The following MYH14 variants were observed in gnomAD, a reference collection of about 807,000 sequenced individuals.
MYH14 encodes myosin-14.
MYH14 carries 123 observed loss-of-function variants against 255.5 expected under a neutral mutation model. The observed-to-expected ratio is 0.48, with a 90% CI of 0.42 to 0.56. MYH14 has a LOEUF of 0.56. MYH14 is among the 20% of genes least tolerant of loss of function. MYH14 has a pLI of 0.00. For missense variants in MYH14, 2,423 were observed against 2,802.3 expected, an observed-to-expected ratio of 0.86 and a Z score of 3.06; for synonymous variants, 1,095 against 1,161.2, an observed-to-expected ratio of 0.94 and a Z score of 1.16.
intron 40 of MYH14, among the ~76,000 whole-genome samples, chr19:50,302,560 G>A (rs965932199): frequency 2.4e-4 from 35 of 148,764 alleles, no homozygotes; most frequent in Admixed American, 6.8e-4. Flanking sequence ...TCCAGCCTGG[G>A]TGACAGAGCC....
chr19:50,230,830 T>G lies in MYH14; in HGVS notation c.973+207T>G. On this transcript the variant is annotated intron_variant, in intron 9 of 42. Coordinates refer to ENST00000642316, the MANE Select transcript of MYH14 (RefSeq NM_001145809.2). This position sits in a 1 kb window ranked among gnomAD's most constrained non-coding sequence, Gnocchi z 4.7. ...CTGCTGCGCTCTGGTTCCAGCTCTG[T>G]CCCGGGTCTGGCTCGCGCCCGCTGT... 1 of 561,898 alleles carries G rather than the reference T, an allele frequency of 1.8e-6. No individual in the cohort carries two copies. Among genetic ancestry groups the G allele is most frequent in the Non-Finnish European group, 3.2e-6 (1 of 314,548 alleles). 34.8% of individuals were successfully genotyped at this position (561,898 alleles called of 1,614,324 possible). A position where few individuals can be genotyped will look rare whatever the true frequency, so the allele number is the denominator to read the frequency against.
chr19:50,210,303 A>T, intron 1 of MYH14, 60 bp from the exon 2 acceptor site: 1 of 1,449,926 alleles, frequency 6.9e-7, no homozygotes, highest in Admixed American at 2.4e-5. Context: ...TGGGGTAGGG[A>T]AGGGAGGCCC....
At chr19:50,237,388 C>T (rs1220373113) in intron 10 of MYH14, among the ~76,000 whole-genome samples, 4 of 151,756 alleles carry the variant, frequency 2.6e-5, no homozygotes, top group African/African-American at 7.3e-5. Context: ...TGCAGTGGCA[C>T]GATCTCGACT....
Position 50,278,282 on chromosome 19 carries a change from G to A in MYH14, c.4025G>A (p.Arg1342Gln), listed in dbSNP as rs1418978881. 10 of 1,549,840 alleles carry A rather than the reference G, an allele frequency of 6.5e-6. No homozygotes were observed. The highest frequency in any genetic ancestry group is 2.4e-5 in the East Asian group (1 of 41,720). The change falls in exon 30 of 43, where the codon CGA (arginine) becomes CAA (glutamine). Residue 1342 changes from arginine to glutamine, a missense_variant. Physicochemically the swap from Arg to Gln is conservative, Grantham distance 43 (BLOSUM62 1). Around this residue, in one of 3 missense-constraint regions of MYH14, gnomAD observed 1,513 missense variants for 1,674.8 expected, o/e 0.90. Transcript: ENST00000642316. ...GCGGAGGCTGCTGAGAAGCTGCAGC[G>A]AGCCCAGGTAAGTGGGGTGGGCAGG... ...ARAEAAEKLQRAQAELENVSG... is the reference protein window; with the variant it reads ...ARAEAAEKLQQAQAELENVSG...
intron 3 of MYH14, among the ~76,000 whole-genome samples, chr19:50,219,035 G>T (rs2032656643): frequency 7.0e-6 from 1 of 142,220 alleles, no homozygotes. Flanking sequence ...ACACACCATG[G>T]GATATATACT....
In MYH14 at chr19:50,276,115, C is replaced by G. The variant is rs1315584521; in HGVS notation, c.3592C>G (p.Gln1198Glu). ...ERVARTKAEK[Q>E]RRDLGEELEA... ...TGTGGCCAGGACCAAGGCGGAGAAG[C>G]AGCGCCGGGACCTGGGCGAGGAGCT... The change falls in exon 28 of 43, where the codon CAG becomes GAG. Residue 1198 changes from glutamine to glutamate, a missense_variant. Gln to Glu is a conservative substitution (Grantham distance 29). Transcript: ENST00000642316. The surrounding 1 kb of genome is among the most constrained non-coding windows in gnomAD (Gnocchi z 4.3). 6.2e-7 allele frequency: 1 copy of G among 1,601,614 alleles called. No individual in the cohort carries two copies. Among genetic ancestry groups the G allele is most frequent in the African/African-American group, 1.3e-5 (1 of 74,862 alleles).
intron 39 of MYH14, among the ~76,000 whole-genome samples, chr19:50,294,371 C>T (rs1021322751): frequency 1.3e-5 from 2 of 151,198 alleles, no homozygotes; most frequent in African/African-American, 4.8e-5. Context: ...GCCAAGAAGA[C>T]AACAGAGTGA....
chr19:50,246,408 C>T (rs916033991), intron 11 of MYH14, among the ~76,000 whole-genome samples: 3 of 151,952 alleles, frequency 2.0e-5, no homozygotes, highest in Non-Finnish European at 2.9e-5. Context: ...CCCGAAGGGC[C>T]TCCCTGGGAT....
chr19:50,231,291 C>G (rs570349683), intron 9 of MYH14, among the ~76,000 whole-genome samples: 1 of 152,382 alleles, frequency 6.6e-6, no homozygotes, highest in East Asian at 1.9e-4. Flanking sequence ...CCTTGGGCGC[C>G]GGCCCCTGCC....
At chr19:50,253,642 C>T (rs961291478) in intron 16 of MYH14, among the ~76,000 whole-genome samples, 34 of 152,042 alleles carry the variant, frequency 2.2e-4, no homozygotes, top group African/African-American at 8.0e-4. Context: ...CCAAAAGGCC[C>T]CCATGAGTGT....
intron 10 of MYH14, among the ~76,000 whole-genome samples, chr19:50,240,793 A>T (rs1372328234): frequency 1.3e-5 from 2 of 151,586 alleles, no homozygotes; most frequent in African/African-American, 4.9e-5. Context: ...AAAATAAAAT[A>T]AAAAAATAAA....
intron 8 of MYH14, among the ~76,000 whole-genome samples, chr19:50,227,903 G>T (rs992433439): frequency 6.6e-6 from 1 of 152,142 alleles, no homozygotes; most frequent in Non-Finnish European, 1.5e-5. Flanking sequence ...ACCCAAGAGG[G>T]GTTTGGAGGA....
In MYH14 at chr19:50,280,239, G is replaced by A. The variant is rs781147919; in HGVS notation, c.4146G>A (p.Leu1382=). Residue 1382 remains leucine, a synonymous_variant, in exon 32 of 43, where the codon CTG becomes CTA. Transcript: ENST00000642316. This position sits in a 1 kb window ranked among gnomAD's most constrained non-coding sequence, Gnocchi z 4.8. ...EAQLHDAQEL[L]QEETRAKLAL... is the part of the protein sequence containing the mutation. ...GTCTCCTCCATCTACAGGAGCTGCT[G>A]CAGGAGGAGACCAGGGCGAAATTGG... is the stretch of plus-strand genomic sequence containing the variant. 18 of 1,552,012 alleles carry A rather than the reference G, an allele frequency of 1.2e-5. No individual in the cohort carries two copies. Among genetic ancestry groups the A allele is most frequent in the South Asian group, 1.2e-5 (1 of 84,068 alleles).
At chr19:50,210,956 A>C (rs2123158422) in intron 2 of MYH14, among the ~76,000 whole-genome samples, 186 bp downstream of exon 2, 1 of 152,354 alleles carries the variant, frequency 6.6e-6, no homozygotes, top group African/African-American at 2.4e-5. Flanking sequence ...ACAGCCTCGG[A>C]ACCTACTGGG....
rs146653703 is a variant in MYH14, at chr19:50,255,584, A to G, written c.2044+266A>G. Among the ~76,000 whole-genome samples the G allele has an allele frequency of 1.4e-3, 219 of 152,262 alleles. 2 individuals are homozygous for G. Among genetic ancestry groups the G allele is most frequent in the African/African-American group, 4.9e-3 (202 of 41,544 alleles). ...CTTGAGCACTTACTATGTGCCGTTC[A>G]CCATGTGAAACCCCTTTAGAATTAT... On this transcript the variant is annotated intron_variant, in intron 17 of 42. Coordinates refer to ENST00000642316, the MANE Select transcript of MYH14 (RefSeq NM_001145809.2).
In MYH14 at chr19:50,229,556, C is replaced by CT. The variant is rs371249956; in HGVS notation, c.875-967dup. On this transcript the variant is annotated intron_variant, in intron 8 of 42. Coordinates refer to ENST00000642316, the MANE Select transcript of MYH14 (RefSeq NM_001145809.2). ...ACTTGAGGCTGAGGTGGGAGTATTGCTTGAGCTGGGGAGGCGGAGGTTACA... is the reference window on the plus strand; with the variant it reads ...ACTTGAGGCTGAGGTGGGAGTATTGCTTTGAGCTGGGGAGGCGGAGGTTACA... Among the ~76,000 whole-genome samples, 156 of 152,204 alleles carry CT rather than the reference C, an allele frequency of 1.0e-3. 6 individuals are homozygous for CT. In the East Asian group the frequency reaches 0.025, roughly 24 times the overall value.
chr19:50,223,295 G>C lies in MYH14; in HGVS notation c.639G>C (p.Gln213His). The change falls in exon 5 of 43, where the codon CAG becomes CAC. Residue 213 changes from glutamine (Q) to histidine (H), a missense_variant. Coordinates refer to ENST00000642316, the MANE Select transcript of MYH14 (RefSeq NM_001145809.2). The part of the protein sequence containing the change: ...GKTENTKKVI[Q>H]YLAHVASSPK... ...CGGAAAACACCAAGAAGGTCATCCA[G>C]TACCTCGCCCACGTGGCGTCGTCTC... The C allele has an allele frequency of 6.2e-7, 1 of 1,606,542 alleles. No individual in the cohort carries two copies. The highest frequency in any genetic ancestry group is 8.5e-7 in the Non-Finnish European group (1 of 1,176,302).
chr19:50,292,848 T>G (rs1010806192), intron 37 of MYH14, among the ~76,000 whole-genome samples: 2 of 149,530 alleles, frequency 1.3e-5, no homozygotes, highest in Non-Finnish European at 3.0e-5. Context: ...GCCAAGGGGA[T>G]GCAGAGGACG....
chr19:50,309,328 A>G, intron 42 of MYH14, 151 bp downstream of exon 42: 1 of 753,494 alleles, frequency 1.3e-6, no homozygotes, highest in Non-Finnish European at 2.2e-6. Flanking sequence ...GTTGCGGGAG[A>G]GCCAAATCCA....
Sources: allele counts gnomAD v4.1 joint callset (sites outside exome capture counted in the v4.1 genomes callset), GRCh38; gene constraint gnomAD v4.1.1; regional missense constraint gnomAD v4.1.1; non-coding constraint Gnocchi (gnomAD v3.1); transcripts MANE v1.5; gene names NCBI Gene and HGNC (gene_info 2026-07-23, HGNC 2026-07-21).